PKNOX2: variants seen among roughly 807,000 people sequenced by gnomAD.
PKNOX2 encodes homeobox protein PKNOX2.
PKNOX2 carries 14 observed loss-of-function variants against 53.1 expected under a neutral mutation model. That is an observed-to-expected ratio of 0.26 (90% CI 0.17 to 0.41). The LOEUF is 0.41. PKNOX2 is among the 10% of genes least tolerant of loss of function. The probability of loss-of-function intolerance (pLI) is 1.00; values close to 1 mark genes in which losing one functional copy is unlikely to be tolerated. For missense variants in PKNOX2, 496 were observed against 602.8 expected, an observed-to-expected ratio of 0.82 and a Z score of 1.85; for synonymous variants, 257 against 242.8, an observed-to-expected ratio of 1.06 and a Z score of -0.54.
chr11:125,232,550 C>T (rs947049422), intron 1 of PKNOX2, among the ~76,000 whole-genome samples: 1 of 152,186 alleles, frequency 6.6e-6, no homozygotes, highest in Non-Finnish European at 1.5e-5. Flanking sequence ...CAGAGCCTAC[C>T]CTTTGAACTA....
chr11:125,211,169 G>A (rs1039506941), intron 1 of PKNOX2, among the ~76,000 whole-genome samples: 22 of 152,184 alleles, frequency 1.4e-4, no homozygotes, highest in African/African-American at 5.3e-4. Context: ...GGTAAGCAGG[G>A]ATAGTTTCCT....
intron 4 of PKNOX2, among the ~76,000 whole-genome samples, chr11:125,359,378 ACTCTT>A (rs1194421890): frequency 6.6e-6 from 1 of 151,080 alleles, no homozygotes; most frequent in Non-Finnish European, 1.5e-5. Context: ...ATCAAAACAG[ACTCTT>A]CTCTTTCTTT....
intron 5 of PKNOX2, among the ~76,000 whole-genome samples, chr11:125,382,802 C>G (rs1037048724): frequency 6.6e-6 from 1 of 152,330 alleles, no homozygotes; most frequent in Non-Finnish European, 1.5e-5. Flanking sequence ...ACCCCTTCAC[C>G]TGGTTTTCTC....
intron 2 of PKNOX2, among the ~76,000 whole-genome samples, chr11:125,316,239 T>C (rs1422187169): frequency 1.3e-5 from 2 of 152,202 alleles, no homozygotes; most frequent in East Asian, 1.9e-4. Flanking sequence ...TATGGACTTA[T>C]CCGCATCTGT....
intron 9 of PKNOX2, chr11:125,411,311 A>G (rs568814153): frequency 9.2e-4 from 305 of 332,198 alleles, no homozygotes; most frequent in Non-Finnish European, 1.6e-3. Context: ...TAGCCAACCT[A>G]CAGGGCTGCT....
chr11:125,345,980 A>C (rs1373407794), intron 3 of PKNOX2, among the ~76,000 whole-genome samples: 1 of 152,094 alleles, frequency 6.6e-6, no homozygotes, highest in East Asian at 1.9e-4. Flanking sequence ...ATCATTTTGG[A>C]CGCGGCGTTG....
Position 125,342,194 on chromosome 11 carries a change from T to G in PKNOX2, c.-22-9090T>G, listed in dbSNP as rs558052245. Among the ~76,000 whole-genome samples, 9 of 152,192 alleles carry G rather than the reference T, an allele frequency of 5.9e-5. No individual in the cohort carries two copies. In the South Asian group the frequency reaches 1.9e-3, roughly 32 times the overall value. The stretch of plus-strand genomic sequence containing the variant: ...TTTTTTTTTTTCCTAAAGGCAAGTT[T>G]TAAAATTTGGAACAAGGTATCATCT... On this transcript the variant is annotated intron_variant, in intron 3 of 12. Coordinates refer to ENST00000298282, the MANE Select transcript of PKNOX2 (RefSeq NM_001382323.2).
At chr11:125,339,983 G>A (rs1950601310) in intron 3 of PKNOX2, among the ~76,000 whole-genome samples, 2 of 152,130 alleles carry the variant, frequency 1.3e-5, no homozygotes, top group Admixed American at 6.5e-5. Context: ...TTCCATCTTC[G>A]TCTCAGTCGT....
chr11:125,194,196 C>T (rs1450866927), intron 1 of PKNOX2, among the ~76,000 whole-genome samples: 1 of 152,222 alleles, frequency 6.6e-6, no homozygotes, highest in African/African-American at 2.4e-5. Context: ...GAGAGCTCTG[C>T]ACATGCTTCT....
chr11:125,212,030 C>T (rs1413140138), intron 1 of PKNOX2, among the ~76,000 whole-genome samples: 2 of 152,084 alleles, frequency 1.3e-5, no homozygotes, highest in African/African-American at 4.8e-5. Flanking sequence ...GATTTATGAA[C>T]ATTATTCTTC....
intron 1 of PKNOX2, among the ~76,000 whole-genome samples, chr11:125,192,443 G>T (rs1407370695): frequency 1.3e-5 from 2 of 152,210 alleles, no homozygotes; most frequent in Admixed American, 1.3e-4. Flanking sequence ...TCCATCCTGT[G>T]TCCTGCTGGC....
At chr11:125,214,784 CTT>C (rs1179771594) in intron 1 of PKNOX2, among the ~76,000 whole-genome samples, 2 of 152,018 alleles carry the variant, frequency 1.3e-5, no homozygotes, top group Non-Finnish European at 2.9e-5. Context: ...TTTTCTCTCT[CTT>C]CTCTCTCCTC....
intron 1 of PKNOX2, among the ~76,000 whole-genome samples, chr11:125,189,482 T>A (rs1956732286): frequency 8.3e-6 from 1 of 119,890 alleles, no homozygotes; most frequent in African/African-American, 3.4e-5. Flanking sequence ...TATATATATA[T>A]ATATATATAC....
At chr11:125,188,930 A>C (rs1312564941) in intron 1 of PKNOX2, among the ~76,000 whole-genome samples, 1 of 151,872 alleles carries the variant, frequency 6.6e-6, no homozygotes, top group African/African-American at 2.4e-5. Flanking sequence ...CACCCTGCAG[A>C]AAAGTCCTGA....
intron 1 of PKNOX2, among the ~76,000 whole-genome samples, chr11:125,168,323 T>C (rs762734068): frequency 6.6e-6 from 1 of 152,258 alleles, no homozygotes; most frequent in Non-Finnish European, 1.5e-5. Flanking sequence ...GCTGTGGCTT[T>C]GACCGCATGT....
chr11:125,189,403 GTA>G (rs1269187772), intron 1 of PKNOX2, among the ~76,000 whole-genome samples: 2,954 of 84,276 alleles, frequency 0.035, 57 homozygotes, highest in Non-Finnish European at 0.05. Context: ...ATATATGTGT[GTA>G]TATATATATG....
chr11:125,367,234 G>A (rs928656711), intron 4 of PKNOX2, among the ~76,000 whole-genome samples: 9 of 152,304 alleles, frequency 5.9e-5, no homozygotes, highest in Admixed American at 1.3e-4. Flanking sequence ...CTTCAAAAAC[G>A]TGTCACAGAT....
chr11:125,205,714 G>A (rs998405458), intron 1 of PKNOX2, among the ~76,000 whole-genome samples: 1 of 151,772 alleles, frequency 6.6e-6, no homozygotes, highest in Non-Finnish European at 1.5e-5. Flanking sequence ...GCCCAATCTC[G>A]ACTTCCCCAG....
At chr11:125,368,096 A>G in intron 5 of PKNOX2, 111 bp downstream of exon 5, 3 of 1,341,630 alleles carry the variant, frequency 2.2e-6, no homozygotes, top group East Asian at 2.7e-5. Context: ...ATGACGGCCA[A>G]TAGCTATTCT....
Sources: allele counts gnomAD v4.1 joint callset (sites outside exome capture counted in the v4.1 genomes callset), GRCh38; gene constraint gnomAD v4.1.1; transcripts MANE v1.5; gene names NCBI Gene and HGNC (gene_info 2026-07-23, HGNC 2026-07-21).